Variants in NUDT18 observed in about 807,000 individuals in gnomAD.
NUDT18 encodes 8-oxo-dGDP phosphatase NUDT18.
NUDT18 carries 26 observed loss-of-function variants against 27.6 expected under a neutral mutation model. The observed-to-expected ratio is 0.94, with a 90% CI of 0.69 to 1.31. The LOEUF is 1.31. Ranked by LOEUF, NUDT18 falls within the 50% of genes most tolerant of loss-of-function variation. The pLI, the probability that NUDT18 is intolerant of heterozygous loss-of-function variation, is 0.00. For synonymous variants in NUDT18, 220 were observed against 196.9 expected (o/e 1.12, Z -0.98); for missense variants, 450 against 433.4 (o/e 1.04, Z -0.34).
chr8:22,108,262 T>G lies in NUDT18; in HGVS notation c.247A>C (p.Thr83Pro). The G allele has an allele frequency of 6.3e-7, 1 of 1,596,436 alleles. No homozygotes were observed. Among genetic ancestry groups the G allele is most frequent in the Non-Finnish European group, 8.5e-7 (1 of 1,172,330 alleles). ...LPAGRMEPGETIVEALQREVK... is the reference protein window; with the variant it reads ...LPAGRMEPGEPIVEALQREVK... ...TCCCGCTGCAGCGCCTCCACGATGG[T>G]CTCCCCTGGCTCCATTCTCCCCGCA... The change falls in exon 2 of 3, where the codon ACC (threonine) becomes CCC (proline). Residue 83 changes from threonine (T) to proline (P), a missense_variant. By Grantham distance (38) the Thr-to-Pro change is conservative. Transcript: ENST00000611621.
rs752873988 is a variant in NUDT18, at chr8:22,107,850, T to C, written c.422A>G (p.Gln141Arg). Residue 141 changes from glutamine (Q) to arginine (R), a missense_variant, in exon 3 of 3, where the codon CAG (glutamine) becomes CGG (arginine). Physicochemically the swap from Gln to Arg is conservative, Grantham distance 43. Transcript: ENST00000611621. ...GGAGGTCCGTGGGTACCAGGCAGCC[T>C]GCAGGGACTCCGCATCGGCCTCCTT... ...TSKEADAESL[Q>R]AAWYPRTSLP... 7 of 1,605,152 alleles carry C rather than the reference T, an allele frequency of 4.4e-6. No homozygotes were observed. The South Asian group carries it at 7.8e-5, about 18-fold the overall frequency.
In NUDT18 at chr8:22,107,275, G is replaced by A; in HGVS notation, c.*25C>T. ...GCACTGGAGGGAGCACGGCTGCCTA[G>A]CTCCCTGTCACCTCCCCCACCTCTC... On this transcript the variant is annotated 3_prime_UTR_variant, in exon 3 of 3. Transcript: ENST00000611621. The A allele has an allele frequency of 1.3e-6, 2 of 1,533,046 alleles. No homozygotes were observed. Among genetic ancestry groups the A allele is most frequent in the Non-Finnish European group, 1.8e-6 (2 of 1,132,752 alleles). 95.0% of individuals were successfully genotyped at this position (1,533,046 alleles called of 1,614,324 possible).
upstream of NUDT18, among the ~76,000 whole-genome samples, chr8:22,110,396 G>A (rs540008160): frequency 6.6e-6 from 1 of 152,268 alleles, no homozygotes; most frequent in South Asian, 2.1e-4. Flanking sequence ...GAAGCAGGCC[G>A]TCTGGCTCCT....
chr8:22,107,254 TG>T lies in NUDT18; in HGVS notation c.*45del, dbSNP rs1826379997. On this transcript the variant is annotated 3_prime_UTR_variant, in exon 3 of 3. Transcript: ENST00000611621. Reference sequence around the variant, plus strand: ...CCCTCAGAGGGAGACAAGTCCGCACTGGAGGGAGCACGGCTGCCTAGCTCCC... The same window carrying T: ...CCCTCAGAGGGAGACAAGTCCGCACTGAGGGAGCACGGCTGCCTAGCTCCC... 2.1e-6 allele frequency: 3 copies of T among 1,437,438 alleles called. No individual in the cohort carries two copies. The South Asian group carries it at 4.1e-5, about 19-fold the overall frequency. The allele number at this position is 1,437,438 out of a possible 1,614,324, so 89.0% of individuals were successfully genotyped here.
chr8:22,108,005 G>A, intron 2 of NUDT18, 110 bp from the exon 3 acceptor site: 1 of 1,352,170 alleles, frequency 7.4e-7, no homozygotes, highest in Non-Finnish European at 9.9e-7. Flanking sequence ...CAGCCCAAAG[G>A]CTGGAATCTG....
Position 22,109,152 on chromosome 8 carries a change from A to G in NUDT18, c.149T>C (p.Phe50Ser). 5 of 1,443,720 alleles carry G rather than the reference A, an allele frequency of 3.5e-6. No individual in the cohort carries two copies. The highest frequency in any genetic ancestry group is 4.5e-6 in the Non-Finnish European group (5 of 1,110,120). The allele number at this position is 1,443,720 out of a possible 1,614,324, so 89.4% of individuals were successfully genotyped here. ...KNVCYVVLAV[F>S]LSEQDEVLLI... is the part of the protein sequence containing the mutation. ...GCGGCCGCTCACCTGCTCGCTGAGG[A>G]ACACGGCCAGCACCACGTAGCACAC... The change falls in exon 1 of 3, where the codon TTC (phenylalanine) becomes TCC (serine). Residue 50 changes from phenylalanine (F) to serine (S), a missense_variant. Transcript: ENST00000611621.
Position 22,109,393 on chromosome 8 carries a change from T to TGCGGAGCCCGCTCCCAGTCCCC in NUDT18, c.-94_-93insGGGGACTGGGAGCGGGCTCCGC. Reference sequence around the variant, plus strand: ...CGCTGCGGAGCCCGCTCCCAGTCCCTGCGGCAGCGGGCCGGGAGCTCACGA... The same window carrying TGCGGAGCCCGCTCCCAGTCCCC: ...CGCTGCGGAGCCCGCTCCCAGTCCCTGCGGAGCCCGCTCCCAGTCCCCGCGGCAGCGGGCCGGGAGCTCACGA... On this transcript the variant is annotated 5_prime_UTR_variant, in exon 1 of 3. Coordinates refer to ENST00000611621, the MANE Select transcript of NUDT18 (RefSeq NM_024815.4). 6.5e-6 allele frequency: 8 copies of TGCGGAGCCCGCTCCCAGTCCCC among 1,221,960 alleles called. No individual in the cohort carries two copies. The highest frequency in any genetic ancestry group is 8.4e-6 in the Non-Finnish European group (8 of 949,098). 75.7% of individuals were successfully genotyped at this position (1,221,960 alleles called of 1,614,324 possible).
chr8:22,109,388 G>GTCCCTGCGGAGACCGCTCCCAT lies in NUDT18; in HGVS notation c.-89_-88insATGGGAGCGGTCTCCGCAGGGA. On this transcript the variant is annotated 5_prime_UTR_variant, in exon 1 of 3. In the 5' UTR this introduces an upstream ATG that the reference lacks. Transcript: ENST00000611621. ...GAGTGCGCTGCGGAGCCCGCTCCCA[G>GTCCCTGCGGAGACCGCTCCCAT]TCCCTGCGGCAGCGGGCCGGGAGCT... The GTCCCTGCGGAGACCGCTCCCAT allele has an allele frequency of 3.2e-6, 4 of 1,241,702 alleles. 1 individual carries two copies. Among genetic ancestry groups the GTCCCTGCGGAGACCGCTCCCAT allele is most frequent in the Non-Finnish European group, 4.1e-6 (4 of 966,582 alleles). The allele number at this position is 1,241,702 out of a possible 1,614,324, so 76.9% of individuals were successfully genotyped here.
intron 2 of NUDT18, 108 bp downstream of exon 2, chr8:22,108,025 G>A (rs1826397595): frequency 2.9e-6 from 4 of 1,366,738 alleles, no homozygotes; most frequent in Middle Eastern, 3.9e-4. Flanking sequence ...GCCCATGCCA[G>A]GCTGTGCCAG....
Position 22,109,155 on chromosome 8 carries a change from A to T in NUDT18, c.146T>A (p.Val49Glu). ...RKNVCYVVLA[V>E]FLSEQDEVLL... ...GCCGCTCACCTGCTCGCTGAGGAAC[A>T]CGGCCAGCACCACGTAGCACACGTT... The change falls in exon 1 of 3, where the codon GTG (valine) becomes GAG (glutamate). Residue 49 changes from valine (V) to glutamate (E), a missense_variant. Val to Glu is a moderately radical substitution (Grantham distance 121, BLOSUM62 -2). Coordinates refer to ENST00000611621, the MANE Select transcript of NUDT18 (RefSeq NM_024815.4). 1 of 1,443,808 alleles carries T rather than the reference A, an allele frequency of 6.9e-7. No homozygotes were observed. The highest frequency in any genetic ancestry group is 1.5e-5 in the African/African-American group (1 of 66,228). 89.4% of individuals were successfully genotyped at this position (1,443,808 alleles called of 1,614,324 possible).
chr8:22,109,562 G>C (rs7830885), upstream of NUDT18: 8 of 503,568 alleles, frequency 1.6e-5, no homozygotes, highest in African/African-American at 1.4e-4. Flanking sequence ...TGGAACTGGG[G>C]GGGCACGGGT....
In NUDT18 at chr8:22,107,208, C is replaced by G. The variant is rs1296131314; in HGVS notation, c.*92G>C. ...CCCTGCTCCCAATGCAACAAGATCCCTGATCGCCAGCCTCTTGCCTCCCTC... is the reference window on the plus strand; with the variant it reads ...CCCTGCTCCCAATGCAACAAGATCCGTGATCGCCAGCCTCTTGCCTCCCTC... On this transcript the variant is annotated 3_prime_UTR_variant, in exon 3 of 3. Coordinates refer to ENST00000611621, the MANE Select transcript of NUDT18 (RefSeq NM_024815.4). The G allele has an allele frequency of 1.0e-5, 10 of 978,704 alleles. No homozygotes were observed. In the East Asian group the frequency reaches 2.4e-4, roughly 23 times the overall value. The allele number at this position is 978,704 out of a possible 1,614,324, so 60.6% of individuals were successfully genotyped here.
upstream of NUDT18, chr8:22,109,559 G>C (rs367935910): frequency 3.9e-6 from 2 of 511,774 alleles, no homozygotes; most frequent in South Asian, 1.8e-5. Context: ...CCCTGGAACT[G>C]GGGGGGCACG....
chr8:22,109,533 G>A, upstream of NUDT18: 1 of 446,096 alleles, frequency 2.2e-6, no homozygotes, highest in Non-Finnish European at 4.0e-6. Context: ...CGAGGGGGCG[G>A]GGCCGCCCGG....
At position 22,109,191 on chromosome 8, in the gene NUDT18, C is replaced by G. The variant is rs1445261097; in HGVS notation, c.110G>C (p.Arg37Pro). ...CACGTAGCACACGTTCTTCCGCAGC[C>G]GCACGGGCGCCGGCGGCTCCCCGGC... ...APAGEPPAPV[R>P]LRKNVCYVVL... is the part of the protein sequence containing the mutation. Residue 37 changes from arginine to proline, a missense_variant, in exon 1 of 3, where the codon CGG (arginine) becomes CCG (proline). Physicochemically the swap from Arg to Pro is moderately radical, Grantham distance 103. Transcript: ENST00000611621. 6.9e-7 allele frequency: 1 copy of G among 1,450,706 alleles called. No homozygotes were observed. The highest frequency in any genetic ancestry group is 1.5e-5 in the African/African-American group (1 of 66,754). 89.9% of individuals were successfully genotyped at this position (1,450,706 alleles called of 1,614,324 possible).
At position 22,107,358 on chromosome 8, in the gene NUDT18, AG is replaced by A. The variant is rs749415032; in HGVS notation, c.913del (p.Leu305CysfsTer17). ...FSWWKVMEED[L>X]QSQLLQRLQG... Reference sequence around the variant, plus strand: ...AAGCCGCTGGAGGAGCTGGCTTTGCAGGTCTTCCTCCATCACCTTCCACCAA... The same window carrying A: ...AAGCCGCTGGAGGAGCTGGCTTTGCAGTCTTCCTCCATCACCTTCCACCAA... On this transcript the variant is annotated frameshift_variant, in exon 3 of 3. Transcript: ENST00000611621. LOFTEE classifies it high-confidence loss of function. 1 of 1,613,412 alleles carries A rather than the reference AG, an allele frequency of 6.2e-7. No individual in the cohort carries two copies. Among genetic ancestry groups the A allele is most frequent in the Non-Finnish European group, 8.5e-7 (1 of 1,179,736 alleles).
chr8:22,109,376 A>T lies in NUDT18; in HGVS notation c.-76T>A, dbSNP rs565265050. The T allele has an allele frequency of 3.1e-6, 4 of 1,307,262 alleles. No homozygotes were observed. The African/African-American group carries it at 6.3e-5, about 20-fold the overall frequency. 81.0% of individuals were successfully genotyped at this position (1,307,262 alleles called of 1,614,324 possible). ...AGCCGCGGGCTAGAGTGCGCTGCGG[A>T]GCCCGCTCCCAGTCCCTGCGGCAGC... On this transcript the variant is annotated 5_prime_UTR_variant, in exon 1 of 3. Coordinates refer to ENST00000611621, the MANE Select transcript of NUDT18 (RefSeq NM_024815.4).
intron 2 of NUDT18, 37 bp from the exon 3 acceptor site, chr8:22,107,932 G>A: frequency 6.7e-7 from 1 of 1,501,790 alleles, no homozygotes. Flanking sequence ...GGGAGGGTCT[G>A]TGTGGAGAGA....
Position 22,107,745 on chromosome 8 carries a change from G to C in NUDT18, c.527C>G (p.Pro176Arg). ...GGGTAGCTCTTGGGGCAGAATGAGA[G>C]GGTGCCTGGCTTGCTGGCGATACTG... is the stretch of plus-strand genomic sequence containing the variant. ...AAQYRQQARH[P>R]LILPQELPCD... The change falls in exon 3 of 3, where the codon CCT becomes CGT. Residue 176 changes from proline to arginine, a missense_variant. Coordinates refer to ENST00000611621, the MANE Select transcript of NUDT18 (RefSeq NM_024815.4). The C allele has an allele frequency of 6.2e-7, 1 of 1,613,684 alleles. No individual in the cohort carries two copies. The highest frequency in any genetic ancestry group is 8.5e-7 in the Non-Finnish European group (1 of 1,179,870).
Sources: allele counts gnomAD v4.1 joint callset (sites outside exome capture counted in the v4.1 genomes callset), GRCh38; gene constraint gnomAD v4.1.1; transcripts MANE v1.5; gene names NCBI Gene and HGNC (gene_info 2026-07-23, HGNC 2026-07-21).